PTPRN2: variants seen among roughly 807,000 people sequenced by gnomAD.
The protein encoded by PTPRN2 is protein tyrosine phosphatase receptor type N2.
Under a neutral mutation model 118.8 loss-of-function variants are expected in PTPRN2, and 74 were observed. The ratio of observed to expected loss-of-function variants is 0.62; its 90% confidence interval spans 0.52 to 0.76. PTPRN2 has a LOEUF of 0.76. Among genes scored for constraint, PTPRN2 ranks in the 30% least tolerant of loss-of-function variants. The pLI is 0.00. For synonymous variants in PTPRN2, 641 were observed against 608.0 expected (o/e 1.05, Z -0.80); for missense variants, 1,481 against 1,394.4 (o/e 1.06, Z -0.99).
chr7:157,544,477 A>G (rs1798178381), intron 22 of PTPRN2, among the ~76,000 whole-genome samples: 1 of 152,194 alleles, frequency 6.6e-6, no homozygotes, highest in Non-Finnish European at 1.5e-5. Flanking sequence ...TGCAGATGTG[A>G]GACGGCAGGT....
intron 1 of PTPRN2, among the ~76,000 whole-genome samples, chr7:158,496,312 CCCCCTTTCCTGTGGCCCCT>C (rs1433788438): frequency 1.9e-5 from 2 of 104,774 alleles, no homozygotes; most frequent in African/African-American, 7.5e-5. Context: ...CCTGCAGCGT[CCCCCTTTCCTGTGGCCCCT>C]CCCCTTCCCT....
chr7:157,931,763 G>A (rs1469285523), intron 11 of PTPRN2, among the ~76,000 whole-genome samples: 1 of 152,068 alleles, frequency 6.6e-6, no homozygotes, highest in African/African-American at 2.4e-5. Context: ...AGCATAGACT[G>A]CGGTCTGGGC....
intron 2 of PTPRN2, among the ~76,000 whole-genome samples, chr7:158,425,702 G>A (rs1484588264): frequency 2.0e-3 from 89 of 45,526 alleles, no homozygotes; most frequent in African/African-American, 0.011. Context: ...GCGCACCGCC[G>A]GGAAAGACGC....
intron 1 of PTPRN2, among the ~76,000 whole-genome samples, chr7:158,557,310 C>CGCTCCCGCGCAGGGCAGGCG (rs1196215767): frequency 7.9e-5 from 11 of 139,410 alleles, no homozygotes; most frequent in South Asian, 2.3e-4. Flanking sequence ...CTGGGCAGGT[C>CGCTCCCGCGCAGGGCAGGCG]GCTCCCGCGC....
Position 158,182,741 on chromosome 7 carries a change from C to T in PTPRN2, c.549+9586G>A, listed in dbSNP as rs139628769. On this transcript the variant is annotated intron_variant, in intron 5 of 22. Coordinates refer to ENST00000389418, the MANE Select transcript of PTPRN2 (RefSeq NM_002847.5). The stretch of plus-strand genomic sequence containing the variant: ...TCTATTTTGGAGAATGTTCCATGTG[C>T]TCATGAGGAGAATGTATATTCTGCA... Among the ~76,000 whole-genome samples, 414 of 152,288 alleles carry T rather than the reference C, an allele frequency of 2.7e-3. 2 individuals are homozygous for T. The highest frequency in any genetic ancestry group is 6.9e-3 in the Admixed American group (106 of 15,296).
chr7:158,251,366 G>A (rs1796643308), intron 3 of PTPRN2, among the ~76,000 whole-genome samples: 1 of 152,074 alleles, frequency 6.6e-6, no homozygotes, highest in South Asian at 2.1e-4. Context: ...GTGTGCATGT[G>A]GGGCGTGTGC....
At chr7:157,778,496 G>A (rs941700131) in intron 12 of PTPRN2, among the ~76,000 whole-genome samples, 1 of 151,286 alleles carries the variant, frequency 6.6e-6, no homozygotes, top group Non-Finnish European at 1.5e-5. Flanking sequence ...ACATGTACAC[G>A]TGAATACAGG....
chr7:158,244,069 C>T (rs977394516), intron 3 of PTPRN2, among the ~76,000 whole-genome samples: 2 of 152,192 alleles, frequency 1.3e-5, no homozygotes. Flanking sequence ...GTCCTCCCTC[C>T]TTCCTCACAA....
intron 2 of PTPRN2, among the ~76,000 whole-genome samples, chr7:158,397,966 C>T (rs746541672): frequency 1.6e-4 from 25 of 152,070 alleles, no homozygotes; most frequent in Non-Finnish European, 2.1e-4. Flanking sequence ...ACCGGAGGGA[C>T]GGCCACTGAG....
At chr7:158,533,598 C>T (rs1299687680) in intron 1 of PTPRN2, among the ~76,000 whole-genome samples, 2 of 152,174 alleles carry the variant, frequency 1.3e-5, no homozygotes, top group Admixed American at 6.5e-5. Flanking sequence ...CCAGAGGGGA[C>T]GTCCCGCAGA....
In PTPRN2 at chr7:157,596,641, C is replaced by T. The variant is rs980935764; in HGVS notation, c.2419-1326G>A. Among the ~76,000 whole-genome samples, 1 of 152,102 alleles carries T rather than the reference C, an allele frequency of 6.6e-6. No individual in the cohort carries two copies. The highest frequency in any genetic ancestry group is 2.4e-5 in the African/African-American group (1 of 41,408). ...AGATACCAGGACATCACTATCATCC[C>T]CAGGGCTCACCAGCTCCTCCCCACA... On this transcript the variant is annotated intron_variant, in intron 16 of 22. Coordinates refer to ENST00000389418, the MANE Select transcript of PTPRN2 (RefSeq NM_002847.5). The surrounding 1 kb of genome is among the most constrained non-coding windows in gnomAD (Gnocchi z 4.2).
Position 157,831,983 on chromosome 7 carries a change from AC to A in PTPRN2, c.1788+66689del, listed in dbSNP as rs1807599541. ...AGTTGCTTCGTCTGCATGAGGAGTG[AC>A]GGCTGGGCTGCTGATGGCCCTGAGG... is the stretch of plus-strand genomic sequence containing the variant. On this transcript the variant is annotated intron_variant, in intron 12 of 22. Coordinates refer to ENST00000389418, the MANE Select transcript of PTPRN2 (RefSeq NM_002847.5). The surrounding 1 kb of genome is among the most constrained non-coding windows in gnomAD (Gnocchi z 4.8). 6.6e-6 allele frequency among the ~76,000 whole-genome samples: 1 copy of A among 152,210 alleles called. No homozygotes were observed. Among genetic ancestry groups the A allele is most frequent in the East Asian group, 1.9e-4 (1 of 5,204 alleles).
At chr7:158,144,109 G>C (rs1471655623) in intron 6 of PTPRN2, among the ~76,000 whole-genome samples, 1 of 152,188 alleles carries the variant, frequency 6.6e-6, no homozygotes, top group Non-Finnish European at 1.5e-5. Context: ...TGAAAAGCTG[G>C]TTGTGATATT....
intron 2 of PTPRN2, among the ~76,000 whole-genome samples, chr7:158,475,996 G>A (rs1297988453): frequency 6.6e-6 from 1 of 152,156 alleles, no homozygotes; most frequent in East Asian, 1.9e-4. Context: ...TACGATTTGT[G>A]TTCCTCCCGC....
chr7:157,919,382 T>A (rs76789265), intron 11 of PTPRN2, among the ~76,000 whole-genome samples: 2,530 of 152,210 alleles, frequency 0.017, 92 homozygotes, highest in African/African-American at 0.057. Flanking sequence ...TAGAGAATAA[T>A]AAAGGCTGTG....
chr7:158,402,230 A>C (rs1269768585), intron 2 of PTPRN2, among the ~76,000 whole-genome samples: 2 of 152,186 alleles, frequency 1.3e-5, no homozygotes, highest in Admixed American at 1.3e-4. Flanking sequence ...AGCCAGACAC[A>C]GGACCAGGGT....
intron 2 of PTPRN2, among the ~76,000 whole-genome samples, chr7:158,483,058 GC>G (rs991483902): frequency 6.6e-6 from 1 of 152,190 alleles, no homozygotes; most frequent in Non-Finnish European, 1.5e-5. Flanking sequence ...GAGCCCTTCA[GC>G]CTATGACATC....
rs538388801 is a variant in PTPRN2 at position 157,978,840 on chromosome 7, G to T, written c.1724-80103C>A. 3.3e-5 allele frequency among the ~76,000 whole-genome samples: 5 copies of T among 152,154 alleles called. No individual in the cohort carries two copies. In the East Asian group the frequency reaches 9.6e-4, roughly 29 times the overall value. On this transcript the variant is annotated intron_variant, in intron 11 of 22. Coordinates refer to ENST00000389418, the MANE Select transcript of PTPRN2 (RefSeq NM_002847.5). ...GGTTTTGGGGCCAACCTCACTGCTCGTGGGGCTGACAGACGAGACCCCAGG... is the reference window on the plus strand; with the variant it reads ...GGTTTTGGGGCCAACCTCACTGCTCTTGGGGCTGACAGACGAGACCCCAGG...
intron 12 of PTPRN2, among the ~76,000 whole-genome samples, chr7:157,827,490 G>A (rs752491299): frequency 2.0e-5 from 3 of 152,226 alleles, no homozygotes; most frequent in African/African-American, 4.8e-5. Context: ...GAAAGCGTTC[G>A]GGCTGTGTGG....
Sources: allele counts gnomAD v4.1 joint callset (sites outside exome capture counted in the v4.1 genomes callset), GRCh38; gene constraint gnomAD v4.1.1; non-coding constraint Gnocchi (gnomAD v3.1); transcripts MANE v1.5; gene names NCBI Gene and HGNC (gene_info 2026-07-23, HGNC 2026-07-21).